The following CACNA2D3 variants were observed in gnomAD, a reference collection of about 807,000 sequenced individuals.
CACNA2D3 encodes voltage-dependent calcium channel subunit alpha-2/delta-3.
CACNA2D3 carries 60 observed loss-of-function variants against 160.6 expected under a neutral mutation model. That is an observed-to-expected ratio of 0.37 (90% CI 0.30 to 0.46). CACNA2D3 has a LOEUF of 0.46. Among genes scored for constraint, CACNA2D3 ranks in the 20% least tolerant of loss-of-function variants. The probability of loss-of-function intolerance (pLI) is 1.00; values close to 1 mark genes in which losing one functional copy is unlikely to be tolerated. For synonymous variants in CACNA2D3, 558 were observed against 492.9 expected (o/e 1.13, Z -1.75); for missense variants, 1,205 against 1,365.0 (o/e 0.88, Z 1.85).
At chr3:54,428,172 A>T (rs1699936249) in intron 4 of CACNA2D3, among the ~76,000 whole-genome samples, 1 of 152,198 alleles carries the variant, frequency 6.6e-6, no homozygotes, top group African/African-American at 2.4e-5. Context: ...ACTTGAATTA[A>T]ATCAATCTGA....
chr3:54,298,703 G>T (rs944546450), intron 2 of CACNA2D3, among the ~76,000 whole-genome samples: 1 of 152,108 alleles, frequency 6.6e-6, no homozygotes, highest in Non-Finnish European at 1.5e-5. Flanking sequence ...CTACTCAGGA[G>T]GCTGAGGTGG....
chr3:54,871,204 C>CACACACACACACAGAG (rs1553897828), intron 17 of CACNA2D3, among the ~76,000 whole-genome samples: 2,353 of 145,912 alleles, frequency 0.016, 84 homozygotes, highest in African/African-American at 0.059. Context: ...CACACACACA[C>CACACACACACACAGAG]ACACACACAC....
At chr3:54,844,053 C>T (rs996119335) in intron 16 of CACNA2D3, among the ~76,000 whole-genome samples, 8 of 152,108 alleles carry the variant, frequency 5.3e-5, no homozygotes, top group African/African-American at 1.9e-4. Flanking sequence ...GAGGTGGTCA[C>T]TGCAGCTTAT....
At chr3:54,325,977 C>T (rs1292586992) in intron 3 of CACNA2D3, among the ~76,000 whole-genome samples, 1 of 152,098 alleles carries the variant, frequency 6.6e-6, no homozygotes, top group Admixed American at 6.5e-5. Flanking sequence ...CTAAAGGAGA[C>T]TAGATTTTAT....
At chr3:54,923,203 A>G (rs912783149) in intron 27 of CACNA2D3, among the ~76,000 whole-genome samples, 10 of 152,158 alleles carry the variant, frequency 6.6e-5, no homozygotes, top group African/African-American at 2.4e-4. Context: ...AAGTCCAAGC[A>G]TCTTGGCCTT....
At chr3:54,999,998 T>C (rs2107130619) in intron 31 of CACNA2D3, among the ~76,000 whole-genome samples, 1 of 152,280 alleles carries the variant, frequency 6.6e-6, no homozygotes, top group East Asian at 1.9e-4. Context: ...ACCATCCATG[T>C]GGGCACACAG....
At chr3:54,436,866 A>C (rs1700067866) in intron 4 of CACNA2D3, among the ~76,000 whole-genome samples, 1 of 152,174 alleles carries the variant, frequency 6.6e-6, no homozygotes, top group African/African-American at 2.4e-5. Context: ...TGATACATGC[A>C]GCAAACCACC....
At chr3:54,303,827 T>TTTTTTTTTC (rs1703534371) in intron 2 of CACNA2D3, among the ~76,000 whole-genome samples, 1 of 145,554 alleles carries the variant, frequency 6.9e-6, no homozygotes, top group African/African-American at 2.6e-5. Flanking sequence ...TGTTTTTTTT[T>TTTTTTTTTC]TTTTTTTTTT....
chr3:54,586,053 A>G (rs1702754855), intron 9 of CACNA2D3, among the ~76,000 whole-genome samples: 1 of 152,126 alleles, frequency 6.6e-6, no homozygotes, highest in South Asian at 2.1e-4. Context: ...TCATGGGGTC[A>G]GGAAATCGAG....
At chr3:54,569,763 C>A in intron 6 of CACNA2D3, 32 bp from the exon 7 acceptor site, 1 of 1,504,434 alleles carries the variant, frequency 6.6e-7, no homozygotes, top group East Asian at 2.4e-5. Context: ...TTTGAAGTTT[C>A]TGGGTTTCTC....
chr3:54,321,778 A>G (rs1486178034), intron 3 of CACNA2D3, among the ~76,000 whole-genome samples: 2 of 152,186 alleles, frequency 1.3e-5, no homozygotes, highest in Non-Finnish European at 2.9e-5. Context: ...TGAATTCCAG[A>G]ACACAGAAGA....
intron 11 of CACNA2D3, among the ~76,000 whole-genome samples, chr3:54,661,468 C>A (rs1310509398): frequency 2.6e-5 from 4 of 152,028 alleles, no homozygotes; most frequent in South Asian, 2.1e-4. Context: ...AAATGTGTTT[C>A]GTCTCCACAG....
At chr3:54,596,694 G>A (rs906905561) in intron 9 of CACNA2D3, among the ~76,000 whole-genome samples, 1 of 151,948 alleles carries the variant, frequency 6.6e-6, no homozygotes, top group Non-Finnish European at 1.5e-5. Flanking sequence ...TCCTGATCCA[G>A]CCAAATCAAA....
At chr3:54,394,164 CA>C (rs1559469754) in intron 4 of CACNA2D3, among the ~76,000 whole-genome samples, 1 of 152,028 alleles carries the variant, frequency 6.6e-6, no homozygotes, top group Non-Finnish European at 1.5e-5. Flanking sequence ...CCTTCTTCCT[CA>C]GAGAAAGGCC....
intron 31 of CACNA2D3, among the ~76,000 whole-genome samples, chr3:55,000,896 C>G (rs930915240): frequency 6.6e-6 from 1 of 152,188 alleles, no homozygotes; most frequent in Non-Finnish European, 1.5e-5. Context: ...TTCTTAGAAT[C>G]TGTCAGAGCC....
In CACNA2D3 at chr3:54,320,514, A is replaced by G; in HGVS notation, c.277A>G (p.Lys93Glu). The G allele has an allele frequency of 1.9e-6, 3 of 1,568,536 alleles. No homozygotes were observed. The highest frequency in any genetic ancestry group is 2.6e-6 in the Non-Finnish European group (3 of 1,156,246). Residue 93 changes from lysine to glutamate, a missense_variant, in exon 3 of 38, where the codon AAG becomes GAG. Coordinates refer to ENST00000474759, the MANE Select transcript of CACNA2D3 (RefSeq NM_018398.3). The part of the protein sequence containing the change: ...DGLQLVKKLA[K>E]NMEEMFHKKS... Reference sequence around the variant, plus strand: ...CCTCCAACTGGTAAAGAAGCTGGCAAAGAACATGGAAGAGATGTTTCACAA... The same window carrying G: ...CCTCCAACTGGTAAAGAAGCTGGCAGAGAACATGGAAGAGATGTTTCACAA...
intron 27 of CACNA2D3, among the ~76,000 whole-genome samples, chr3:54,910,031 A>G (rs983278159): frequency 9.2e-5 from 14 of 152,190 alleles, no homozygotes; most frequent in South Asian, 2.1e-4. Context: ...TTTATTCCCA[A>G]TGTCTCCCAA....
chr3:54,201,100 G>A (rs1392753649), intron 2 of CACNA2D3, among the ~76,000 whole-genome samples: 1 of 152,170 alleles, frequency 6.6e-6, no homozygotes, highest in Non-Finnish European at 1.5e-5. Flanking sequence ...GGGTTTTGGT[G>A]ACATAGTACA....
At chr3:54,275,283 G>C (rs1251151493) in intron 2 of CACNA2D3, among the ~76,000 whole-genome samples, 1 of 152,078 alleles carries the variant, frequency 6.6e-6, no homozygotes, top group Admixed American at 6.6e-5. Flanking sequence ...CATGCCTTCA[G>C]GTCTCAGGGT....
Sources: allele counts gnomAD v4.1 joint callset (sites outside exome capture counted in the v4.1 genomes callset), GRCh38; gene constraint gnomAD v4.1.1; transcripts MANE v1.5; gene names NCBI Gene and HGNC (gene_info 2026-07-23, HGNC 2026-07-21).